Variants in HIP1 observed in about 807,000 individuals in gnomAD.
HIP1 encodes huntingtin-interacting protein 1.
In HIP1, 65 loss-of-function variants were observed where a neutral mutation model predicts 147.6. The ratio of observed to expected loss-of-function variants is 0.44; its 90% CI spans 0.36 to 0.54. HIP1 has a LOEUF of 0.54. Ranked by LOEUF, HIP1 falls within the 20% of genes least tolerant of loss-of-function variation. The pLI is 0.00. For synonymous variants in HIP1, 479 were observed against 504.0 expected (o/e 0.95, Z 0.67); for missense variants, 1,061 against 1,299.6 (o/e 0.82, Z 2.82).
chr7:75,702,769 CAA>C (rs781944027), intron 1 of HIP1, among the ~76,000 whole-genome samples: 17 of 150,776 alleles, frequency 1.1e-4, no homozygotes, highest in Non-Finnish European at 1.5e-4. Flanking sequence ...TCCTGCCTCA[CAA>C]AAAAAAGAGA....
At chr7:75,671,478 G>A (rs1329742064) in intron 1 of HIP1, among the ~76,000 whole-genome samples, 1 of 152,100 alleles carries the variant, frequency 6.6e-6, no homozygotes, top group African/African-American at 2.4e-5. Context: ...TGAACACTTG[G>A]CTTGCTTCCA....
intron 9 of HIP1, among the ~76,000 whole-genome samples, chr7:75,566,978 G>C (rs1413881563): frequency 6.6e-6 from 1 of 151,048 alleles, no homozygotes; most frequent in Admixed American, 6.6e-5. Context: ...CGGGCATGGT[G>C]GTGGGCGCCT....
At chr7:75,626,934 C>T (rs1467887814) in intron 1 of HIP1, 1 of 152,116 alleles carries the variant, frequency 6.6e-6, no homozygotes, top group Non-Finnish European at 1.5e-5. Flanking sequence ...TAAGAACCTA[C>T]ACTAAATTGT....
In HIP1 at chr7:75,551,189, A is replaced by ATTTTTTTTTTTTTTTTTTTTTTT. The variant is rs55679922; in HGVS notation, c.2296-2211_2296-2189dup. Among the ~76,000 whole-genome samples the ATTTTTTTTTTTTTTTTTTTTTTT allele has an allele frequency of 1.6e-4, 12 of 77,414 alleles. 2 individuals carry two copies. Among genetic ancestry groups the ATTTTTTTTTTTTTTTTTTTTTTT allele is most frequent in the African/African-American group, 6.1e-4 (9 of 14,716 alleles). 50.8% of individuals were successfully genotyped at this position (77,414 alleles called of 152,430 possible). A position where few individuals can be genotyped will look rare whatever the true frequency, so the allele number is the denominator to read the frequency against. ...TAGGGAGGCAAAGATGTAGATGATA[A>ATTTTTTTTTTTTTTTTTTTTTTT]TTTTTTTTTTTTTTTTTTTTTTTTT... On this transcript the variant is annotated intron_variant, in intron 22 of 30. Transcript: ENST00000336926.
At chr7:75,735,573 C>A (rs954489727) in intron 1 of HIP1, among the ~76,000 whole-genome samples, 2 of 152,152 alleles carry the variant, frequency 1.3e-5, no homozygotes, top group Admixed American at 1.3e-4. Context: ...CCTTTGCTTA[C>A]CAAGCTCTGC....
intron 1 of HIP1, among the ~76,000 whole-genome samples, chr7:75,651,867 G>T (rs548797000): frequency 3.3e-4 from 50 of 152,244 alleles, no homozygotes; most frequent in African/African-American, 1.2e-3. Context: ...TAAAGCACTG[G>T]GCATGGTGGT....
At chr7:75,660,206 C>T (rs893917163) in intron 1 of HIP1, among the ~76,000 whole-genome samples, 4 of 125,618 alleles carry the variant, frequency 3.2e-5, no homozygotes, top group African/African-American at 6.8e-5. Flanking sequence ...ATTTAAGATA[C>T]GATACGTGGT....
chr7:75,610,333 C>T lies in HIP1; in HGVS notation c.121-11086G>A, dbSNP rs116593481. Among the ~76,000 whole-genome samples, 567 of 151,552 alleles carry T rather than the reference C, an allele frequency of 3.7e-3. 6 individuals carry two copies. Among genetic ancestry groups the T allele is most frequent in the African/African-American group, 0.013 (543 of 41,276 alleles). ...AAGTGATCCTCCAGCCTTAGCCTCC[C>T]GGGAAGCTGGGACTTCCAGGCATGT... On this transcript the variant is annotated intron_variant, in intron 1 of 30. Transcript: ENST00000336926.
At chr7:75,651,933 C>CAGTTG (rs1554512034) in intron 1 of HIP1, among the ~76,000 whole-genome samples, 2 of 151,114 alleles carry the variant, frequency 1.3e-5, no homozygotes, top group African/African-American at 4.9e-5. Flanking sequence ...CGCTTGAACC[C>CAGTTG]GTGAGGCGGA....
At chr7:75,734,490 G>C (rs1801952457) in intron 1 of HIP1, among the ~76,000 whole-genome samples, 1 of 152,022 alleles carries the variant, frequency 6.6e-6, no homozygotes, top group Non-Finnish European at 1.5e-5. Context: ...CTGTGGCCCA[G>C]GGCTGAACTA....
intron 1 of HIP1, among the ~76,000 whole-genome samples, chr7:75,693,649 AG>A (rs1800530311): frequency 6.6e-6 from 1 of 151,822 alleles, no homozygotes; most frequent in African/African-American, 2.4e-5. Flanking sequence ...CCGAGGTGGA[AG>A]GATTGCTTGA....
At chr7:75,583,336 C>T (rs1393168429) in intron 5 of HIP1, among the ~76,000 whole-genome samples, 1 of 152,124 alleles carries the variant, frequency 6.6e-6, no homozygotes, top group African/African-American at 2.4e-5. Context: ...CCGACTGTCC[C>T]TGGAGAAAGA....
rs781900428 is a variant in HIP1 at position 75,582,144 on chromosome 7, C to G, written c.473G>C (p.Arg158Thr). 1.9e-6 allele frequency: 3 copies of G among 1,613,828 alleles called. No homozygotes were observed. Among genetic ancestry groups the G allele is most frequent in the Non-Finnish European group, 2.5e-6 (3 of 1,179,832 alleles). The change falls in exon 6 of 31, where the codon AGG becomes ACG. Residue 158 changes from arginine (R) to threonine (T), a missense_variant. By Grantham distance (71) the Arg-to-Thr change is moderately conservative. This residue lies in a region of HIP1 where 225 missense variants were observed against 292.9 expected (regional missense o/e 0.77). Transcript: ENST00000336926. ...TKMEYHTKNP[R>T]FPGNLQMSDR... ...ACTCATCTGCAGGTTGCCTGGGAAC[C>G]TGGGATTCTGGAAGGGAGGCAGAGG...
chr7:75,556,370 C>T (rs1285492894), intron 17 of HIP1, among the ~76,000 whole-genome samples: 3 of 152,058 alleles, frequency 2.0e-5, no homozygotes, highest in African/African-American at 7.2e-5. Flanking sequence ...ATGACAGCAA[C>T]GCCAAAGCCA....
chr7:75,586,194 CTTTTTTTTGTTT>C (rs1395778597), intron 5 of HIP1, among the ~76,000 whole-genome samples: 1 of 150,872 alleles, frequency 6.6e-6, no homozygotes, highest in Admixed American at 6.6e-5. Context: ...GTTACTCTTT[CTTTTTTTTGTTT>C]TTTTTTTTGA....
At chr7:75,714,803 A>G (rs1801267308) in intron 1 of HIP1, among the ~76,000 whole-genome samples, 1 of 152,012 alleles carries the variant, frequency 6.6e-6, no homozygotes, top group Admixed American at 6.6e-5. Context: ...TAAGAAATTC[A>G]CTCTAGTACA....
intron 22 of HIP1, among the ~76,000 whole-genome samples, chr7:75,553,218 G>C (rs919894014): frequency 6.6e-6 from 1 of 151,624 alleles, no homozygotes; most frequent in Non-Finnish European, 1.5e-5. Flanking sequence ...GATTACAGGC[G>C]TGAGCCATCC....
chr7:75,538,961 T>G (rs1554489312), intron 30 of HIP1, among the ~76,000 whole-genome samples: 2 of 152,224 alleles, frequency 1.3e-5, no homozygotes, highest in East Asian at 3.9e-4. Flanking sequence ...TGTCCCTGTC[T>G]GCCAGATCTC....
intron 1 of HIP1, among the ~76,000 whole-genome samples, chr7:75,726,398 C>T (rs1801651095): frequency 6.6e-6 from 1 of 152,232 alleles, no homozygotes; most frequent in South Asian, 2.1e-4. Flanking sequence ...ATTCTCCTGC[C>T]TCAGATTCCA....
Sources: allele counts gnomAD v4.1 joint callset (sites outside exome capture counted in the v4.1 genomes callset), GRCh38; gene constraint gnomAD v4.1.1; regional missense constraint gnomAD v4.1.1; transcripts MANE v1.5; gene names NCBI Gene and HGNC (gene_info 2026-07-23, HGNC 2026-07-21).